Variants in SPATA31H1 observed in about 807,000 individuals in gnomAD.
SPATA31H1 encodes the protein spermatogenesis-associated protein 31H1.
the SPATA31H1 span, chr2:27,577,603 C>G: frequency 6.2e-7 from 1 of 1,614,084 alleles, no homozygotes; most frequent in Non-Finnish European, 8.5e-7. This position sits in a 1 kb window ranked among gnomAD's most constrained non-coding sequence, Gnocchi z 4.5. Context: ...CATCACGTCC[C>G]AGATTCTGCT....
the SPATA31H1 span, chr2:27,576,018 G>C: frequency 2.5e-6 from 1 of 398,742 alleles, no homozygotes; most frequent in African/African-American, 2.1e-5. Flanking sequence ...ATTGACTCCA[G>C]GGTCAAAGCT....
At chr2:27,547,860 G>A in the SPATA31H1 span, among the ~76,000 whole-genome samples, 1 of 151,128 alleles carries the variant, frequency 6.6e-6, no homozygotes. Context: ...TTATTTTGAA[G>A]TAAATCCCAG....
chr2:27,565,090 G>A, the SPATA31H1 span, among the ~76,000 whole-genome samples: 3 of 151,910 alleles, frequency 2.0e-5, no homozygotes, highest in East Asian at 1.9e-4. Flanking sequence ...TTAAACTCCA[G>A]TACAAATGCA....
chr2:27,582,294 A>G, the SPATA31H1 span: 3 of 1,613,954 alleles, frequency 1.9e-6, no homozygotes, highest in African/African-American at 2.7e-5. Flanking sequence ...CTGTGAGAGA[A>G]CCCGTCACAG....
chr2:27,579,993 G>A, the SPATA31H1 span: 1 of 1,614,092 alleles, frequency 6.2e-7, no homozygotes, highest in South Asian at 1.1e-5. Context: ...GACCACTTCG[G>A]GGCCTTATCT....
At chr2:27,566,932 G>T in the SPATA31H1 span, 2 of 717,480 alleles carry the variant, frequency 2.8e-6, no homozygotes, top group Non-Finnish European at 2.6e-6. Flanking sequence ...TTTTCTGAAG[G>T]AACAACTTGG....
At chr2:27,582,498 C>A in the SPATA31H1 span, 1 of 1,610,726 alleles carries the variant, frequency 6.2e-7, no homozygotes, top group East Asian at 2.2e-5. Flanking sequence ...CAAAGCAGGG[C>A]AAGTGTGGAG....
the SPATA31H1 span, chr2:27,571,052 C>T: frequency 2.5e-6 from 1 of 398,456 alleles, no homozygotes. Flanking sequence ...TTAAAGGTTT[C>T]AGATCTGAAA....
At chr2:27,551,674 T>C in the SPATA31H1 span, among the ~76,000 whole-genome samples, 2 of 152,034 alleles carry the variant, frequency 1.3e-5, no homozygotes, top group African/African-American at 4.8e-5. Context: ...ACCTTCCTCT[T>C]CAGGAAACCT....
At chr2:27,548,334 G>A in the SPATA31H1 span, among the ~76,000 whole-genome samples, 2 of 151,858 alleles carry the variant, frequency 1.3e-5, no homozygotes, top group African/African-American at 4.9e-5. Flanking sequence ...TCGCCTGGGT[G>A]CAGTGACTCA....
At chr2:27,576,577 A>G in the SPATA31H1 span, 17 of 1,567,382 alleles carry the variant, frequency 1.1e-5, no homozygotes, top group Non-Finnish European at 1.1e-5. Flanking sequence ...AAACCTATGG[A>G]GCTGACACCA....
the SPATA31H1 span, among the ~76,000 whole-genome samples, chr2:27,550,386 T>C: frequency 1.5e-4 from 22 of 150,406 alleles, no homozygotes; most frequent in Admixed American, 1.3e-3. Flanking sequence ...AGTCTGCAAA[T>C]AGTTTTAGTA....
the SPATA31H1 span, among the ~76,000 whole-genome samples, chr2:27,548,326 G>C: frequency 6.6e-6 from 1 of 151,660 alleles, no homozygotes; most frequent in Non-Finnish European, 1.5e-5. Context: ...TCCAATTATC[G>C]CCTGGGTGCA....
At chr2:27,558,966 A>AT in the SPATA31H1 span, among the ~76,000 whole-genome samples, 3 of 149,538 alleles carry the variant, frequency 2.0e-5, no homozygotes, top group Admixed American at 1.3e-4. Flanking sequence ...AGGGAGAGCT[A>AT]AAGGGCATAT....
At chr2:27,571,640 G>T in the SPATA31H1 span, 2 of 398,360 alleles carry the variant, frequency 5.0e-6, no homozygotes, top group Admixed American at 4.4e-5. Flanking sequence ...CTATGGAGAC[G>T]CTTCAAAGGC....
the SPATA31H1 span, among the ~76,000 whole-genome samples, chr2:27,560,109 G>A: frequency 6.6e-5 from 10 of 151,456 alleles, no homozygotes; most frequent in East Asian, 3.9e-4. Flanking sequence ...CTCATCATCC[G>A]CCCACCTCAG....
chr2:27,537,475 C>T, the SPATA31H1 span: 8 of 717,296 alleles, frequency 1.1e-5, no homozygotes, highest in Non-Finnish European at 1.8e-5. Flanking sequence ...AGATATCAGC[C>T]TTCTATTATT....
chr2:27,555,959 C>T, the SPATA31H1 span, among the ~76,000 whole-genome samples: 2 of 151,662 alleles, frequency 1.3e-5, 1 homozygote, highest in African/African-American at 4.9e-5. Context: ...TGGTGAAACA[C>T]CGTCTCTACT....
the SPATA31H1 span, among the ~76,000 whole-genome samples, chr2:27,562,849 T>C: frequency 6.6e-6 from 1 of 150,584 alleles, no homozygotes; most frequent in Non-Finnish European, 1.5e-5. Flanking sequence ...ATCGCGCCAC[T>C]GCACTCCAGC....
Sources: gnomAD v4.1 joint callset for allele counts (sites outside exome capture counted in the v4.1 genomes callset) on GRCh38, gnomAD v4.1.1 for gene constraint, Gnocchi (gnomAD v3.1) non-coding constraint, MANE v1.5 for transcripts, NCBI Gene and HGNC (gene_info 2026-07-23, HGNC 2026-07-21) for gene names.